Variants in CNTNAP2 observed in about 807,000 individuals in gnomAD.
CNTNAP2 encodes contactin associated protein 2, also known as contactin-associated protein-like 2.
Under a neutral mutation model 155.2 loss-of-function variants are expected in CNTNAP2, and 98 were observed. That is an observed-to-expected ratio of 0.63 (90% confidence interval 0.54 to 0.75). CNTNAP2 has a LOEUF of 0.75. CNTNAP2 is among the 30% of genes least tolerant of loss of function. The pLI is 0.00. For missense variants in CNTNAP2, 1,727 were observed against 1,688.1 expected (o/e 1.02, Z -0.40); for synonymous variants, 651 against 631.2 (o/e 1.03, Z -0.47).
At chr7:148,078,774 C>A (rs537084766) in intron 15 of CNTNAP2, among the ~76,000 whole-genome samples, 1 of 152,286 alleles carries the variant, frequency 6.6e-6, no homozygotes, top group South Asian at 2.1e-4. Context: ...AGCCATCATG[C>A]CCAGCCTGAG....
intron 1 of CNTNAP2, among the ~76,000 whole-genome samples, chr7:146,658,266 A>G (rs371732250): frequency 6.6e-6 from 1 of 152,162 alleles, no homozygotes; most frequent in African/African-American, 2.4e-5. Context: ...TACAAACGGT[A>G]AAGATCAAAG....
intron 3 of CNTNAP2, among the ~76,000 whole-genome samples, chr7:146,958,424 T>TG: frequency 7.2e-6 from 1 of 139,240 alleles, no homozygotes; most frequent in African/African-American, 2.8e-5. Flanking sequence ...TTTTTTTTTT[T>TG]TTTTTTTGAG....
chr7:146,721,496 A>ATATATATTCTATATACAT (rs1801313252), intron 1 of CNTNAP2, among the ~76,000 whole-genome samples: 2 of 119,364 alleles, frequency 1.7e-5, no homozygotes, highest in African/African-American at 8.1e-5. Flanking sequence ...TATACATTCT[A>ATATATATTCTATATACAT]TATATATTCT....
chr7:147,528,158 A>G (rs931546493), intron 11 of CNTNAP2, among the ~76,000 whole-genome samples: 1 of 151,230 alleles, frequency 6.6e-6, no homozygotes, highest in African/African-American at 2.5e-5. Flanking sequence ...ATGAAGAGAC[A>G]TAAGTTTCTG....
At chr7:148,044,809 T>C (rs1802747547) in intron 15 of CNTNAP2, 1 of 152,294 alleles carries the variant, frequency 6.6e-6, no homozygotes, top group Non-Finnish European at 1.5e-5. Flanking sequence ...CTGTGTCTAG[T>C]GTATGTTTTG....
chr7:147,277,839 T>C (rs1348732250), intron 8 of CNTNAP2, among the ~76,000 whole-genome samples: 2 of 151,788 alleles, frequency 1.3e-5, no homozygotes, highest in African/African-American at 4.8e-5. Context: ...CTTTTCTTTC[T>C]TTTTAAGTAA....
intron 1 of CNTNAP2, among the ~76,000 whole-genome samples, chr7:146,335,235 A>G (rs1344702808): frequency 6.6e-6 from 1 of 152,194 alleles, no homozygotes; most frequent in Admixed American, 6.5e-5. Flanking sequence ...TGTGGTCAAC[A>G]TCTTGAATGT....
intron 1 of CNTNAP2, among the ~76,000 whole-genome samples, chr7:146,620,147 C>G (rs1799293506): frequency 6.6e-6 from 1 of 152,050 alleles, no homozygotes; most frequent in South Asian, 2.1e-4. Context: ...TGAAAATGAT[C>G]AAGAGTAATC....
chr7:147,878,301 A>G (rs1799459624), intron 13 of CNTNAP2, among the ~76,000 whole-genome samples: 1 of 151,850 alleles, frequency 6.6e-6, no homozygotes, highest in Non-Finnish European at 1.5e-5. Context: ...GATGATGATG[A>G]TTTTCTCTTC....
At chr7:146,428,896 A>C (rs1796132458) in intron 1 of CNTNAP2, among the ~76,000 whole-genome samples, 1 of 152,014 alleles carries the variant, frequency 6.6e-6, no homozygotes, top group African/African-American at 2.4e-5. Context: ...CTTATATTTT[A>C]GTATTTAATC....
At chr7:148,292,645 A>G (rs561061237) in intron 21 of CNTNAP2, among the ~76,000 whole-genome samples, 2 of 152,252 alleles carry the variant, frequency 1.3e-5, no homozygotes, top group South Asian at 4.2e-4. Context: ...GTATTACTCT[A>G]CCTTTCATGA....
chr7:147,494,832 G>A (rs1049849254), intron 11 of CNTNAP2, among the ~76,000 whole-genome samples: 1 of 152,132 alleles, frequency 6.6e-6, no homozygotes, highest in African/African-American at 2.4e-5. Flanking sequence ...AATAATATGT[G>A]TCTCTCCTTT....
At chr7:146,913,297 T>G (rs1436190981) in intron 3 of CNTNAP2, among the ~76,000 whole-genome samples, 1 of 152,146 alleles carries the variant, frequency 6.6e-6, no homozygotes. Context: ...GCTGCAACAT[T>G]GGTGCCTTCT....
At chr7:147,116,545 G>A (rs1800993701) in intron 5 of CNTNAP2, among the ~76,000 whole-genome samples, 1 of 152,184 alleles carries the variant, frequency 6.6e-6, no homozygotes, top group Admixed American at 6.5e-5. Flanking sequence ...GAAGAAGAAT[G>A]GATGGGGGGA....
chr7:148,079,489 C>T (rs1054221794), intron 15 of CNTNAP2, among the ~76,000 whole-genome samples: 1 of 152,104 alleles, frequency 6.6e-6, no homozygotes, highest in Non-Finnish European at 1.5e-5. Flanking sequence ...AGGTAGCCGG[C>T]TTTGGAGAGA....
At chr7:146,724,120 CTG>C (rs1316057612) in intron 1 of CNTNAP2, among the ~76,000 whole-genome samples, 2 of 152,110 alleles carry the variant, frequency 1.3e-5, no homozygotes, top group African/African-American at 2.4e-5. Context: ...AGGTGAGAAA[CTG>C]AAGAATCAAC....
At chr7:147,962,495 A>G (rs1445627101) in intron 14 of CNTNAP2, among the ~76,000 whole-genome samples, 1 of 152,204 alleles carries the variant, frequency 6.6e-6, no homozygotes, top group Non-Finnish European at 1.5e-5. Context: ...CCAAAGCAGA[A>G]TTAGCCTTCT....
chr7:146,956,669 G>A (rs1160146005), intron 3 of CNTNAP2, among the ~76,000 whole-genome samples: 2 of 152,084 alleles, frequency 1.3e-5, no homozygotes, highest in African/African-American at 2.4e-5. Flanking sequence ...TTTCTTTTGG[G>A]ATTTAGGCTT....
chr7:147,897,096 C>G (rs1034909476), intron 13 of CNTNAP2: 3 of 152,228 alleles, frequency 2.0e-5, no homozygotes, highest in Non-Finnish European at 4.4e-5. Flanking sequence ...CCAGCTGTCT[C>G]TCTTCTTTTC....
Sources: gnomAD v4.1 joint callset for allele counts (sites outside exome capture counted in the v4.1 genomes callset) on GRCh38, gnomAD v4.1.1 for gene constraint, MANE v1.5 for transcripts, NCBI Gene and HGNC (gene_info 2026-07-23, HGNC 2026-07-21) for gene names.